ZNF71: variants seen among roughly 807,000 people sequenced by gnomAD.
ZNF71 encodes zinc finger protein 71, also known as endothelial zinc finger protein induced by tumor necrosis factor alpha.
ZNF71 carries 3 observed loss-of-function variants against 6.7 expected under a neutral mutation model. That is an observed-to-expected ratio of 0.45 (90% CI 0.20 to 1.16). The LOEUF (loss-of-function observed/expected upper bound fraction) is 1.16, where lower values mean the gene tolerates loss of function less well. Among genes scored for constraint, ZNF71 ranks in the 50% most tolerant of loss-of-function variants. The pLI, the probability that ZNF71 is intolerant of heterozygous loss-of-function variation, is 0.25. For synonymous variants in ZNF71, 343 were observed against 311.1 expected, an observed-to-expected ratio of 1.10 and a Z score of -1.08; for missense variants, 688 against 728.6, an observed-to-expected ratio of 0.94 and a Z score of 0.64.
rs780249877 is a variant in ZNF71 at position 56,621,687 on chromosome 19, G to C, written c.580G>C (p.Glu194Gln). ...GGAGAAGAAAACCTACGACTGCAGC[G>C]AGTGTGGCAAGGCCTTTAGCCGAAG... ...CEEKKTYDCS[E>Q]CGKAFSRSSS... is the part of the protein sequence containing the mutation. Residue 194 changes from glutamate (E) to glutamine (Q), a missense_variant, in exon 4 of 4, where the codon GAG (glutamate) becomes CAG (glutamine). Glu to Gln is a conservative substitution (Grantham distance 29). Transcript: ENST00000599599. 2 of 1,614,034 alleles carry C rather than the reference G, an allele frequency of 1.2e-6. No individual in the cohort carries two copies. Among genetic ancestry groups the C allele is most frequent in the Non-Finnish European group, 1.7e-6 (2 of 1,180,050 alleles).
At position 56,598,830 on chromosome 19, in the gene ZNF71, C is replaced by A. The variant is rs1034418251; in HGVS notation, c.-52-2677C>A. On this transcript the variant is annotated intron_variant, in intron 1 of 3. Transcript: ENST00000599599. This position sits in a 1 kb window ranked among gnomAD's most constrained non-coding sequence, Gnocchi z 4.2. ...ATATGCCCCCCTACAATTAAAATTACTTTTCACTTGTGGAAGTTGGGGCCA... is the reference window on the plus strand; with the variant it reads ...ATATGCCCCCCTACAATTAAAATTAATTTTCACTTGTGGAAGTTGGGGCCA... 6.6e-6 allele frequency among the ~76,000 whole-genome samples: 1 copy of A among 152,190 alleles called. No individual in the cohort carries two copies. Among genetic ancestry groups the A allele is most frequent in the Non-Finnish European group, 1.5e-5 (1 of 68,042 alleles).
Position 56,621,883 on chromosome 19 carries a change from T to G in ZNF71, c.776T>G (p.Met259Arg), listed in dbSNP as rs753256167. Reference protein sequence around the residue: ...GDCGKAFSQRMNLTVHQRTHT... With the variant: ...GDCGKAFSQRRNLTVHQRTHT... ...TGCGGCAAGGCCTTCAGCCAGCGCA[T>G]GAACCTCACTGTGCACCAGCGCACG... is the stretch of plus-strand genomic sequence containing the variant. Residue 259 changes from methionine to arginine, a missense_variant, in exon 4 of 4, where the codon ATG becomes AGG. Transcript: ENST00000599599. 6.2e-7 allele frequency: 1 copy of G among 1,606,854 alleles called. No individual in the cohort carries two copies. Among genetic ancestry groups the G allele is most frequent in the Non-Finnish European group, 8.5e-7 (1 of 1,176,250 alleles).
At position 56,624,073 on chromosome 19, in the gene ZNF71, A is replaced by G. The variant is rs2044889390; in HGVS notation, c.*1316A>G. The G allele has an allele frequency of 6.0e-6, 1 of 166,938 alleles. No individual in the cohort carries two copies. The highest frequency in any genetic ancestry group is 1.5e-5 in the Non-Finnish European group (1 of 68,132). 10.3% of individuals were successfully genotyped at this position (166,938 alleles called of 1,614,324 possible). Reference sequence around the variant, plus strand: ...CACTTTCTCTGGGGCCTTTTAGGCCATACTTTTAATTTTGTTATTTGATAC... The same window carrying G: ...CACTTTCTCTGGGGCCTTTTAGGCCGTACTTTTAATTTTGTTATTTGATAC... On this transcript the variant is annotated 3_prime_UTR_variant, in exon 4 of 4. Coordinates refer to ENST00000599599, the MANE Select transcript of ZNF71 (RefSeq NM_001370215.1).
At chr19:56,617,112 G>GTTTTTTTTTTTTTTTTTTTTTTT (rs748784485) in intron 3 of ZNF71, among the ~76,000 whole-genome samples, 1 of 140,646 alleles carries the variant, frequency 7.1e-6, no homozygotes, top group African/African-American at 2.8e-5. Context: ...ATTTTCTTTT[G>GTTTTTTTTTTTTTTTTTTTTTTT]TTTTTTTTTG....
chr19:56,616,504 C>A (rs1218516032), intron 3 of ZNF71, among the ~76,000 whole-genome samples: 2 of 152,178 alleles, frequency 1.3e-5, no homozygotes, highest in Non-Finnish European at 2.9e-5. Flanking sequence ...GCCCAAAGCC[C>A]CATGAATGAC....
chr19:56,595,843 G>GTGTGTT (rs1568501889), intron 1 of ZNF71, among the ~76,000 whole-genome samples: 2 of 139,720 alleles, frequency 1.4e-5, no homozygotes, highest in African/African-American at 5.5e-5. Flanking sequence ...TTGTGATTGT[G>GTGTGTT]TGTGTGTGTT....
intron 3 of ZNF71, among the ~76,000 whole-genome samples, chr19:56,614,575 T>A (rs2044776440): frequency 6.6e-6 from 1 of 152,220 alleles, no homozygotes; most frequent in South Asian, 2.1e-4. Flanking sequence ...TATCAAGGCC[T>A]ATCGATATGT....
At chr19:56,620,467 A>G (rs1239417231) in intron 3 of ZNF71, among the ~76,000 whole-genome samples, 1 of 152,118 alleles carries the variant, frequency 6.6e-6, no homozygotes, top group South Asian at 2.1e-4. Flanking sequence ...TAACCAACAC[A>G]TGCCATATAA....
chr19:56,617,875 C>T (rs2044808854), intron 3 of ZNF71, among the ~76,000 whole-genome samples: 1 of 152,140 alleles, frequency 6.6e-6, no homozygotes, highest in African/African-American at 2.4e-5. Flanking sequence ...AGGTCATGTT[C>T]ACTCCAGGAG....
chr19:56,604,414 A>G (rs1262294791), intron 2 of ZNF71, among the ~76,000 whole-genome samples: 1 of 152,232 alleles, frequency 6.6e-6, no homozygotes, highest in Non-Finnish European at 1.5e-5. Context: ...AAGGATCTAC[A>G]GTTGTACATA....
intron 2 of ZNF71, among the ~76,000 whole-genome samples, chr19:56,601,946 G>A (rs2044674049): frequency 6.6e-6 from 1 of 152,162 alleles, no homozygotes; most frequent in African/African-American, 2.4e-5. Context: ...TTGTGAATGT[G>A]AATGCCCACA....
chr19:56,604,415 G>C (rs1420784718), intron 2 of ZNF71, among the ~76,000 whole-genome samples: 1 of 152,164 alleles, frequency 6.6e-6, no homozygotes, highest in Non-Finnish European at 1.5e-5. Context: ...AGGATCTACA[G>C]TTGTACATAA....
At position 56,621,365 on chromosome 19, in the gene ZNF71, G is replaced by A. The variant is rs200983686; in HGVS notation, c.258G>A (p.Thr86=). 183 of 1,586,956 alleles carry A rather than the reference G, an allele frequency of 1.2e-4. No homozygotes were observed. Among genetic ancestry groups the A allele is most frequent in the Middle Eastern group, 1.7e-4 (1 of 5,892 alleles). The change falls in exon 4 of 4, where the codon ACG becomes ACA. Residue 86 remains threonine, a synonymous_variant. Transcript: ENST00000599599. ...TTGGGGAGGCCACGGGGGGACCCACGAGGAATGGTGCCAGGGGTCCTGGCT... is the reference window on the plus strand; with the variant it reads ...TTGGGGAGGCCACGGGGGGACCCACAAGGAATGGTGCCAGGGGTCCTGGCT... ...SVVGEATGGP[T]RNGARGPGSE... is the part of the protein sequence containing the mutation.
At position 56,624,349 on chromosome 19, in the gene ZNF71, C is replaced by T. The variant is rs916713744; in HGVS notation, c.*1592C>T. On this transcript the variant is annotated 3_prime_UTR_variant, in exon 4 of 4. Coordinates refer to ENST00000599599, the MANE Select transcript of ZNF71 (RefSeq NM_001370215.1). ...TGTGGTTCTCTGTGATGCTCTGGCT[C>T]TCCCTTCATACTTCTTAACATCATC... The T allele has an allele frequency of 2.0e-5, 3 of 152,326 alleles. No individual in the cohort carries two copies. Among genetic ancestry groups the T allele is most frequent in the South Asian group, 4.1e-4 (2 of 4,822 alleles). The allele number at this position is 152,326 out of a possible 1,614,324, so 9.4% of individuals were successfully genotyped here.
chr19:56,601,662 G>A (rs915348243), intron 2 of ZNF71, 71 bp downstream of exon 2: 14 of 963,038 alleles, frequency 1.5e-5, no homozygotes, highest in Admixed American at 6.2e-5. Context: ...TCTGCTGCTC[G>A]AACCCTCTCC....
chr19:56,619,327 C>T (rs1600597565), intron 3 of ZNF71, among the ~76,000 whole-genome samples: 1 of 152,260 alleles, frequency 6.6e-6, no homozygotes, highest in East Asian at 1.9e-4. Flanking sequence ...CCACCCACTC[C>T]TCAGCCCCCG....
chr19:56,622,040 C>T lies in ZNF71; in HGVS notation c.933C>T (p.Phe311=). 1 of 1,613,026 alleles carries T rather than the reference C, an allele frequency of 6.2e-7. No homozygotes were observed. Among genetic ancestry groups the T allele is most frequent in the Non-Finnish European group, 8.5e-7 (1 of 1,179,218 alleles). ...PYACGDCGKA[F]SQNMHLIVHQ... is the part of the protein sequence containing the mutation. ...CGTGCGGGGACTGCGGCAAGGCCTTCAGCCAGAACATGCACCTCATCGTGC... is the reference window on the plus strand; with the variant it reads ...CGTGCGGGGACTGCGGCAAGGCCTTTAGCCAGAACATGCACCTCATCGTGC... Residue 311 remains phenylalanine (F), a synonymous_variant, in exon 4 of 4, where the codon TTC becomes TTT. Transcript: ENST00000599599.
At chr19:56,620,212 G>A (rs1310093864) in intron 3 of ZNF71, among the ~76,000 whole-genome samples, 1 of 152,194 alleles carries the variant, frequency 6.6e-6, no homozygotes, top group African/African-American at 2.4e-5. Flanking sequence ...GGGCAGGTGC[G>A]TGATGAGCTA....
intron 2 of ZNF71, among the ~76,000 whole-genome samples, chr19:56,610,927 TTTC>T (rs1285219741): frequency 1.3e-5 from 2 of 151,952 alleles, no homozygotes; most frequent in Admixed American, 6.5e-5. Context: ...GAGACCACAT[TTTC>T]TTCTTCTTTT....
Sources: allele counts gnomAD v4.1 joint callset (sites outside exome capture counted in the v4.1 genomes callset), GRCh38; gene constraint gnomAD v4.1.1; non-coding constraint Gnocchi (gnomAD v3.1); transcripts MANE v1.5; gene names NCBI Gene and HGNC (gene_info 2026-07-23, HGNC 2026-07-21).